The following TRAPPC9 variants were observed in gnomAD, a reference collection of about 807,000 sequenced individuals.
The protein encoded by TRAPPC9 is trafficking protein particle complex subunit 9, also known as IKK2 binding protein.
A neutral mutation model predicts 124.0 loss-of-function variants in TRAPPC9; 83 were observed. The observed-to-expected ratio is 0.67, with a 90% CI of 0.56 to 0.80. The LOEUF (loss-of-function observed/expected upper bound fraction) is 0.80, where lower values mean the gene tolerates loss of function less well. Ranked by LOEUF, TRAPPC9 falls within the 30% of genes least tolerant of loss-of-function variation. The pLI is 0.00. For synonymous variants in TRAPPC9, 638 were observed against 617.5 expected, an observed-to-expected ratio of 1.03 and a Z score of -0.49; for missense variants, 1,302 against 1,508.3, an observed-to-expected ratio of 0.86 and a Z score of 2.27.
chr8:140,044,384 T>C (rs1039532787), intron 17 of TRAPPC9, among the ~76,000 whole-genome samples: 1 of 152,042 alleles, frequency 6.6e-6, no homozygotes, highest in South Asian at 2.1e-4. Flanking sequence ...CAACCACTCA[T>C]GGGCCGGTAA....
chr8:140,071,041 C>A (rs1373546822), intron 17 of TRAPPC9, among the ~76,000 whole-genome samples: 1 of 152,246 alleles, frequency 6.6e-6, no homozygotes. Context: ...GCATATTGAG[C>A]TTTGGTGCCC....
At chr8:139,896,903 C>A (rs1349364972) in intron 20 of TRAPPC9, among the ~76,000 whole-genome samples, 2 of 152,200 alleles carry the variant, frequency 1.3e-5, no homozygotes, top group East Asian at 1.9e-4. Flanking sequence ...GTTTCCAAAT[C>A]GTCAACAGGT....
intron 17 of TRAPPC9, among the ~76,000 whole-genome samples, chr8:140,026,618 T>C (rs1840164097): frequency 6.6e-6 from 1 of 152,200 alleles, no homozygotes; most frequent in African/African-American, 2.4e-5. Context: ...GTGCTTATGG[T>C]CCATTTATGT....
intron 17 of TRAPPC9, among the ~76,000 whole-genome samples, chr8:140,167,141 C>G (rs2061853460): frequency 9.8e-6 from 1 of 101,620 alleles, no homozygotes; most frequent in Non-Finnish European, 2.1e-5. Flanking sequence ...CAGTTCATAG[C>G]TTTCAAAAAA....
At chr8:140,204,367 G>T (rs980162768) in intron 17 of TRAPPC9, among the ~76,000 whole-genome samples, 1 of 150,742 alleles carries the variant, frequency 6.6e-6, no homozygotes, top group Admixed American at 6.6e-5. Context: ...ACAAACTATC[G>T]CAAGGACAGA....
At chr8:140,040,418 G>A (rs549519540) in intron 17 of TRAPPC9, 2 of 152,386 alleles carry the variant, frequency 1.3e-5, no homozygotes, top group African/African-American at 4.8e-5. Context: ...TATTTTAGAC[G>A]GAGTCTCACT....
intron 21 of TRAPPC9, among the ~76,000 whole-genome samples, chr8:139,792,089 C>T (rs997735525): frequency 1.3e-5 from 2 of 152,152 alleles, no homozygotes; most frequent in Non-Finnish European, 2.9e-5. Context: ...TTTCTGTCCC[C>T]GTCAACATTT....
At chr8:140,263,549 T>C (rs936798160) in intron 15 of TRAPPC9, among the ~76,000 whole-genome samples, 1 of 152,172 alleles carries the variant, frequency 6.6e-6, no homozygotes, top group South Asian at 2.1e-4. Flanking sequence ...GGCAGCAGCA[T>C]CAAAGATAAC....
At chr8:139,885,781 T>A in intron 21 of TRAPPC9, 98 bp downstream of exon 21, 1 of 1,205,526 alleles carries the variant, frequency 8.3e-7, no homozygotes, top group South Asian at 1.3e-5. Context: ...CCCACCAACA[T>A]TTGGGGTGCC....
intron 19 of TRAPPC9, among the ~76,000 whole-genome samples, chr8:139,921,908 C>T (rs978152513): frequency 5.3e-5 from 8 of 150,280 alleles, no homozygotes; most frequent in African/African-American, 1.2e-4. Context: ...CATCTGGGAG[C>T]GTACACAGCT....
At chr8:140,221,946 T>C (rs2063346742) in intron 16 of TRAPPC9, among the ~76,000 whole-genome samples, 1 of 152,234 alleles carries the variant, frequency 6.6e-6, no homozygotes, top group African/African-American at 2.4e-5. Flanking sequence ...TTCTACCTTG[T>C]ATCAGTTACA....
At chr8:140,128,463 C>G (rs113833794) in intron 17 of TRAPPC9, among the ~76,000 whole-genome samples, 1 of 152,154 alleles carries the variant, frequency 6.6e-6, no homozygotes, top group Non-Finnish European at 1.5e-5. Context: ...GGTTAATGAG[C>G]GGCTAAAGGC....
At chr8:140,250,342 A>T (rs1278158994) in intron 16 of TRAPPC9, among the ~76,000 whole-genome samples, 1 of 152,238 alleles carries the variant, frequency 6.6e-6, no homozygotes, top group Non-Finnish European at 1.5e-5. Flanking sequence ...TTTGTGCAAC[A>T]GCTATCCAGG....
chr8:140,028,063 T>C (rs1485459061), intron 17 of TRAPPC9, among the ~76,000 whole-genome samples: 1 of 152,052 alleles, frequency 6.6e-6, no homozygotes, highest in African/African-American at 2.4e-5. Context: ...CTTACCTCTT[T>C]GAGATAAAAA....
At chr8:140,419,818 G>A (rs1013350687) in intron 5 of TRAPPC9, among the ~76,000 whole-genome samples, 1 of 152,004 alleles carries the variant, frequency 6.6e-6, no homozygotes, top group African/African-American at 2.4e-5. Flanking sequence ...CCCGGAAGGC[G>A]GAGCTTGCAG....
At chr8:140,183,959 GA>G (rs2062285936) in intron 17 of TRAPPC9, among the ~76,000 whole-genome samples, 3 of 16,358 alleles carry the variant, frequency 1.8e-4, no homozygotes, top group Non-Finnish European at 2.9e-4. Context: ...GAGGGGAGGG[GA>G]GGGAGGAGGG....
At chr8:139,755,611 G>T (rs1044611695) in intron 21 of TRAPPC9, among the ~76,000 whole-genome samples, 1 of 100,710 alleles carries the variant, frequency 9.9e-6, no homozygotes, top group Non-Finnish European at 1.9e-5. Flanking sequence ...AGGAGCCAGG[G>T]TTGGGGTATA....
chr8:139,851,536 A>G (rs1202183567), intron 21 of TRAPPC9, among the ~76,000 whole-genome samples: 1 of 152,116 alleles, frequency 6.6e-6, no homozygotes, highest in Non-Finnish European at 1.5e-5. Context: ...TGAACGGTCA[A>G]ATCATCCATC....
At chr8:139,794,347 G>C (rs1325970235) in intron 21 of TRAPPC9, among the ~76,000 whole-genome samples, 1 of 152,190 alleles carries the variant, frequency 6.6e-6, no homozygotes, top group Non-Finnish European at 1.5e-5. Context: ...TCAGGTACTC[G>C]CCTGCAGACA....
Sources: gnomAD v4.1 joint callset for allele counts (sites outside exome capture counted in the v4.1 genomes callset) on GRCh38, gnomAD v4.1.1 for gene constraint, MANE v1.5 for transcripts, NCBI Gene and HGNC (gene_info 2026-07-23, HGNC 2026-07-21) for gene names.